The following MAPK4 variants were observed in gnomAD, a reference collection of about 807,000 sequenced individuals.
MAPK4 encodes the protein Erk3-related.
In MAPK4, 22 loss-of-function variants were observed where a neutral mutation model predicts 47.7. That is an observed-to-expected ratio of 0.46 (90% CI 0.33 to 0.66). The LOEUF (loss-of-function observed/expected upper bound fraction) is 0.66. Ranked by LOEUF, MAPK4 falls within the 30% of genes least tolerant of loss-of-function variation. The probability of loss-of-function intolerance (pLI) is 0.02; values close to 1 mark genes in which losing one functional copy is unlikely to be tolerated. For synonymous variants in MAPK4, 390 were observed against 365.7 expected (o/e 1.07, Z -0.76); for missense variants, 736 against 831.7 (o/e 0.88, Z 1.42).
At chr18:50,617,247 ACATCG>A (rs2042692825) in intron 1 of MAPK4, among the ~76,000 whole-genome samples, 2 of 102,698 alleles carry the variant, frequency 1.9e-5, no homozygotes, top group African/African-American at 3.6e-5. Flanking sequence ...AGACATCGGG[ACATCG>A]GGGTCTGTAA....
chr18:50,600,009 G>A (rs1415136166), intron 1 of MAPK4, among the ~76,000 whole-genome samples: 2 of 152,170 alleles, frequency 1.3e-5, no homozygotes, highest in African/African-American at 2.4e-5. Context: ...AAAAACCCCA[G>A]TCTCCTTATG....
intron 2 of MAPK4, among the ~76,000 whole-genome samples, chr18:50,697,165 G>A (rs1343382369): frequency 6.6e-6 from 1 of 152,218 alleles, no homozygotes; most frequent in Non-Finnish European, 1.5e-5. Flanking sequence ...GTTGAGAATT[G>A]CTGATGTAGA....
chr18:50,587,692 G>T lies in MAPK4; in HGVS notation c.-871+27449G>T, dbSNP rs188013267. On this transcript the variant is annotated intron_variant, in intron 1 of 5. Transcript: ENST00000400384. The stretch of plus-strand genomic sequence containing the variant: ...ATTTTAGCTAATTACTTCACAGCAG[G>T]GTTTGGAATTCTCTGTCTAGATGGT... Among the ~76,000 whole-genome samples, 4 of 152,146 alleles carry T rather than the reference G, an allele frequency of 2.6e-5. No individual in the cohort carries two copies. In the East Asian group the frequency reaches 7.7e-4, roughly 29 times the overall value.
At chr18:50,698,108 G>T (rs1909604577) in intron 2 of MAPK4, among the ~76,000 whole-genome samples, 1 of 152,104 alleles carries the variant, frequency 6.6e-6, no homozygotes, top group Non-Finnish European at 1.5e-5. Flanking sequence ...ACATTTATTG[G>T]CCCTGCCCCA....
intron 1 of MAPK4, among the ~76,000 whole-genome samples, chr18:50,619,361 C>G (rs530812076): frequency 6.6e-6 from 1 of 152,212 alleles, no homozygotes; most frequent in Non-Finnish European, 1.5e-5. Flanking sequence ...GTTCCCCAGC[C>G]TGCAGTGTGG....
chr18:50,686,446 A>G (rs371447199), intron 2 of MAPK4, among the ~76,000 whole-genome samples: 1 of 152,166 alleles, frequency 6.6e-6, no homozygotes, highest in South Asian at 2.1e-4. Flanking sequence ...AAAGCACCAA[A>G]ACTTTGTCCA....
rs527925895 is a variant in MAPK4 at position 50,561,049 on chromosome 18, G to A, written c.-871+806G>A. On this transcript the variant is annotated intron_variant, in intron 1 of 5. Coordinates refer to ENST00000400384, the MANE Select transcript of MAPK4 (RefSeq NM_002747.4). Reference sequence around the variant, plus strand: ...TGGCGGGAGTTCCAGGTGCGTCCCCGAAATGACCATTGGAGGCGGCGGCTG... The same window carrying A: ...TGGCGGGAGTTCCAGGTGCGTCCCCAAAATGACCATTGGAGGCGGCGGCTG... Among the ~76,000 whole-genome samples, 141 of 152,334 alleles carry A rather than the reference G, an allele frequency of 9.3e-4. 1 individual carries two copies. Among genetic ancestry groups the A allele is most frequent in the Admixed American group, 8.6e-3 (131 of 15,304 alleles).
chr18:50,708,059 G>A (rs4939642), intron 2 of MAPK4, among the ~76,000 whole-genome samples: 10,030 of 152,282 alleles, frequency 0.066, 452 homozygotes, highest in Admixed American at 0.16. Context: ...CAGTGATTGC[G>A]ATGTGAGCCA....
chr18:50,714,692 C>T (rs944561229), intron 2 of MAPK4, among the ~76,000 whole-genome samples: 1 of 152,220 alleles, frequency 6.6e-6, no homozygotes, highest in Non-Finnish European at 1.5e-5. Context: ...ACGCCAGAGT[C>T]TCATGGTTAC....
chr18:50,621,654 A>G (rs1160646474), intron 1 of MAPK4, among the ~76,000 whole-genome samples: 1 of 152,232 alleles, frequency 6.6e-6, no homozygotes, highest in East Asian at 1.9e-4. Flanking sequence ...CCCAGATGGT[A>G]GGAAAAAGGG....
At chr18:50,649,605 G>A (rs2043026980) in intron 1 of MAPK4, among the ~76,000 whole-genome samples, 1 of 152,220 alleles carries the variant, frequency 6.6e-6, no homozygotes, top group Admixed American at 6.5e-5. Context: ...CTCTGTGCAT[G>A]ATGCGTATAA....
intron 1 of MAPK4, among the ~76,000 whole-genome samples, chr18:50,651,766 CT>C (rs2043052318): frequency 6.6e-6 from 1 of 152,186 alleles, no homozygotes; most frequent in African/African-American, 2.4e-5. Context: ...GGCTGGATGT[CT>C]TTGTGTGTCC....
At chr18:50,710,482 C>G (rs888587975) in intron 2 of MAPK4, among the ~76,000 whole-genome samples, 1 of 151,004 alleles carries the variant, frequency 6.6e-6, no homozygotes, top group Non-Finnish European at 1.5e-5. Flanking sequence ...GACCCTATCT[C>G]AAATAAATAA....
At chr18:50,704,826 A>G (rs892028325) in intron 2 of MAPK4, 23 of 398,492 alleles carry the variant, frequency 5.8e-5, no homozygotes, top group African/African-American at 4.5e-4. Context: ...GGAGAGCATC[A>G]TGATGACCAA....
intron 1 of MAPK4, among the ~76,000 whole-genome samples, chr18:50,561,845 G>A (rs1876789654): frequency 6.6e-6 from 1 of 152,176 alleles, no homozygotes; most frequent in Admixed American, 6.5e-5. Flanking sequence ...CCTTGCATTA[G>A]AAAAGTCAGC....
At chr18:50,703,006 G>A (rs1783625072) in intron 2 of MAPK4, among the ~76,000 whole-genome samples, 1 of 152,232 alleles carries the variant, frequency 6.6e-6, no homozygotes, top group South Asian at 2.1e-4. Context: ...GAATACAAGA[G>A]TTTCTGCAGA....
intron 1 of MAPK4, among the ~76,000 whole-genome samples, chr18:50,619,893 CAT>C (rs1437565988): frequency 6.6e-6 from 1 of 152,248 alleles, no homozygotes; most frequent in African/African-American, 2.4e-5. Flanking sequence ...GGCACAGCCT[CAT>C]GTGGGTCCAC....
chr18:50,647,595 C>T (rs1164963951), intron 1 of MAPK4, among the ~76,000 whole-genome samples: 2 of 152,184 alleles, frequency 1.3e-5, no homozygotes, highest in Non-Finnish European at 2.9e-5. Flanking sequence ...CAGAATTTTA[C>T]CGTCGGCTCA....
intron 1 of MAPK4, among the ~76,000 whole-genome samples, chr18:50,591,930 C>G (rs919586272): frequency 1.3e-5 from 2 of 152,052 alleles, no homozygotes; most frequent in African/African-American, 2.4e-5. Flanking sequence ...GCTGACTCCT[C>G]TATGAAGGGG....
Sources: allele counts gnomAD v4.1 joint callset (sites outside exome capture counted in the v4.1 genomes callset), GRCh38; gene constraint gnomAD v4.1.1; transcripts MANE v1.5; gene names NCBI Gene and HGNC (gene_info 2026-07-23, HGNC 2026-07-21).